Variants in IMMP2L observed in about 807,000 individuals in gnomAD.
IMMP2L encodes the protein mitochondrial inner membrane protease subunit 2.
In IMMP2L, 18 loss-of-function variants were observed where a neutral mutation model predicts 19.3. That is an observed-to-expected ratio of 0.93 (90% CI 0.64 to 1.38). IMMP2L has a LOEUF of 1.38. Among genes scored for constraint, IMMP2L ranks in the 40% most tolerant of loss-of-function variants. The pLI is 0.00. For synonymous variants in IMMP2L, 76 were observed against 73.0 expected (o/e 1.04, Z -0.21); for missense variants, 233 against 218.2 (o/e 1.07, Z -0.43).
chr7:111,391,753 G>A (rs1832372031), intron 3 of IMMP2L: 1 of 586,340 alleles, frequency 1.7e-6, no homozygotes, highest in African/African-American at 1.9e-5. Context: ...TCAGAAAAAT[G>A]GCAAAAAGAC....
chr7:110,723,521 T>C (rs1795702590), intron 5 of IMMP2L, among the ~76,000 whole-genome samples: 4 of 10,772 alleles, frequency 3.7e-4, no homozygotes, highest in South Asian at 6.7e-3. Context: ...ATCCATTCTT[T>C]AGGCTTGATT....
intron 5 of IMMP2L, among the ~76,000 whole-genome samples, chr7:110,721,923 CATAAG>C (rs1795604233): frequency 6.6e-6 from 1 of 152,070 alleles, no homozygotes; most frequent in South Asian, 2.1e-4. Context: ...TGTAAACAAT[CATAAG>C]ATAAGACAGA....
intron 5 of IMMP2L, among the ~76,000 whole-genome samples, chr7:110,851,221 T>C (rs1480799948): frequency 1.3e-5 from 2 of 152,122 alleles, no homozygotes; most frequent in Non-Finnish European, 1.5e-5. Context: ...TAAAACTTAT[T>C]TTAGCAATAT....
At chr7:111,075,555 C>T (rs1795328088) in intron 3 of IMMP2L, among the ~76,000 whole-genome samples, 3 of 152,190 alleles carry the variant, frequency 2.0e-5, no homozygotes, top group African/African-American at 7.2e-5. Flanking sequence ...AACAGTCCCT[C>T]CTTTCTTCTT....
At chr7:111,294,606 C>T (rs996383857) in intron 3 of IMMP2L, among the ~76,000 whole-genome samples, 4 of 151,706 alleles carry the variant, frequency 2.6e-5, no homozygotes, top group Non-Finnish European at 5.9e-5. Context: ...GCAACAAAAC[C>T]ATCAGGACCT....
At chr7:110,737,327 T>C (rs137923679) in intron 5 of IMMP2L, among the ~76,000 whole-genome samples, 93 of 152,280 alleles carry the variant, frequency 6.1e-4, no homozygotes, top group African/African-American at 2.2e-3. Flanking sequence ...CTCAGTGCCA[T>C]TGGTGGGGCA....
chr7:111,427,700 G>C (rs1168025742), intron 3 of IMMP2L, among the ~76,000 whole-genome samples: 1 of 151,736 alleles, frequency 6.6e-6, no homozygotes, highest in African/African-American at 2.4e-5. Context: ...CTATGGATCA[G>C]ATATTAATCT....
At chr7:111,185,932 A>G (rs905500170) in intron 3 of IMMP2L, among the ~76,000 whole-genome samples, 3 of 152,146 alleles carry the variant, frequency 2.0e-5, no homozygotes, top group Admixed American at 6.5e-5. Context: ...TGTTTTACAT[A>G]TCTTGAAATA....
chr7:111,498,133 A>T (rs1258831821), intron 2 of IMMP2L, among the ~76,000 whole-genome samples: 1 of 152,046 alleles, frequency 6.6e-6, no homozygotes, highest in Non-Finnish European at 1.5e-5. Flanking sequence ...GTATTTAAGC[A>T]TCTCTTTAAT....
Position 110,757,794 on chromosome 7 carries a change from C to A in IMMP2L, c.409-94073G>T, listed in dbSNP as rs1214331645. Among the ~76,000 whole-genome samples the A allele has an allele frequency of 6.6e-6, 1 of 152,076 alleles. No homozygotes were observed. The highest frequency in any genetic ancestry group is 6.6e-5 in the Admixed American group (1 of 15,238). Reference sequence around the variant, plus strand: ...GAGTTTGTCATCTGTGTTTTGTCAGCACTCTGACGGAAAAAACCTCATTAG... The same window carrying A: ...GAGTTTGTCATCTGTGTTTTGTCAGAACTCTGACGGAAAAAACCTCATTAG... On this transcript the variant is annotated intron_variant, in intron 5 of 5. Coordinates refer to ENST00000405709, the MANE Select transcript of IMMP2L (RefSeq NM_032549.4). The surrounding 1 kb of genome is among the most constrained non-coding windows in gnomAD (Gnocchi z 4.2).
chr7:111,470,588 T>A (rs1405653720), intron 3 of IMMP2L, among the ~76,000 whole-genome samples: 1 of 151,092 alleles, frequency 6.6e-6, no homozygotes, highest in South Asian at 2.1e-4. Flanking sequence ...ATGGATGAAA[T>A]TGGAAATCAT....
At chr7:110,900,514 T>C (rs888325717) in intron 4 of IMMP2L, among the ~76,000 whole-genome samples, 6 of 152,172 alleles carry the variant, frequency 3.9e-5, no homozygotes, top group African/African-American at 1.4e-4. Context: ...TCCTCCATCT[T>C]TAGTCATTCT....
At chr7:110,912,497 T>C (rs959107618) in intron 4 of IMMP2L, among the ~76,000 whole-genome samples, 7 of 151,864 alleles carry the variant, frequency 4.6e-5, no homozygotes, top group Non-Finnish European at 8.8e-5. Context: ...AAGCTCTAGA[T>C]TAAAAAACAC....
intron 2 of IMMP2L, among the ~76,000 whole-genome samples, chr7:111,516,110 G>T (rs773973604): frequency 1.9e-4 from 29 of 152,066 alleles, no homozygotes; most frequent in Non-Finnish European, 3.7e-4. Context: ...TGTTTCAAAT[G>T]TAAAATTTAG....
At chr7:111,524,731 T>C (rs1331796545) in intron 1 of IMMP2L, among the ~76,000 whole-genome samples, 1 of 152,118 alleles carries the variant, frequency 6.6e-6, no homozygotes, top group African/African-American at 2.4e-5. Context: ...CTCCTCACAT[T>C]TAGTTTACCT....
intron 4 of IMMP2L, among the ~76,000 whole-genome samples, chr7:110,949,783 C>T (rs146789733): frequency 5.3e-5 from 8 of 152,058 alleles, no homozygotes; most frequent in Non-Finnish European, 1.0e-4. Flanking sequence ...CTTGCCAACA[C>T]GTCGCAATAT....
At chr7:111,034,579 T>G (rs58495202) in intron 3 of IMMP2L, among the ~76,000 whole-genome samples, 74,066 of 151,814 alleles carry the variant, frequency 0.49, 19,049 homozygotes, top group Non-Finnish European at 0.58. Flanking sequence ...CACCCATCTA[T>G]GCCTAGGGAA....
chr7:111,200,930 A>C (rs1307700534), intron 3 of IMMP2L, among the ~76,000 whole-genome samples: 2 of 152,176 alleles, frequency 1.3e-5, no homozygotes, highest in African/African-American at 4.8e-5. Context: ...ATTCAATAAC[A>C]ATTTGAACAA....
At chr7:111,300,204 A>C (rs1015703453) in intron 3 of IMMP2L, among the ~76,000 whole-genome samples, 5 of 152,124 alleles carry the variant, frequency 3.3e-5, no homozygotes, top group African/African-American at 1.2e-4. Context: ...TGTACTTTTA[A>C]GTGCAGAGAT....
Sources: allele counts gnomAD v4.1 joint callset (sites outside exome capture counted in the v4.1 genomes callset), GRCh38; gene constraint gnomAD v4.1.1; non-coding constraint Gnocchi (gnomAD v3.1); transcripts MANE v1.5; gene names NCBI Gene and HGNC (gene_info 2026-07-23, HGNC 2026-07-21).